Variants in OSBPL1A observed in about 807,000 individuals in gnomAD.
The protein encoded by OSBPL1A is oxysterol-binding protein-related protein 1.
A neutral mutation model predicts 137.1 loss-of-function variants in OSBPL1A; 80 were observed. The ratio of observed to expected loss-of-function variants is 0.58; its 90% CI spans 0.49 to 0.70. OSBPL1A has a LOEUF of 0.70. Among genes scored for constraint, OSBPL1A ranks in the 30% least tolerant of loss-of-function variants. The probability of loss-of-function intolerance (pLI) is 0.00; values close to 1 mark genes in which losing one functional copy is unlikely to be tolerated. For synonymous variants in OSBPL1A, 365 were observed against 389.7 expected (o/e 0.94, Z 0.75); for missense variants, 970 against 1,129.4 (o/e 0.86, Z 2.02).
chr18:24,334,418 A>C, intron 5 of OSBPL1A, 88 bp from the exon 6 acceptor site: 1 of 942,462 alleles, frequency 1.1e-6, no homozygotes. Flanking sequence ...TGATGAGAAA[A>C]ACCAAAATGT....
chr18:24,393,177 T>C (rs1016850200), intron 1 of OSBPL1A, among the ~76,000 whole-genome samples: 2 of 152,260 alleles, frequency 1.3e-5, no homozygotes, highest in African/African-American at 2.4e-5. Flanking sequence ...CCTACATGTA[T>C]GTACATGTGT....
At chr18:24,330,953 C>A (rs1412641853) in intron 7 of OSBPL1A, among the ~76,000 whole-genome samples, 3 of 152,038 alleles carry the variant, frequency 2.0e-5, no homozygotes, top group African/African-American at 7.2e-5. Flanking sequence ...CGCCACCATG[C>A]CTGGCTAATT....
intron 18 of OSBPL1A, among the ~76,000 whole-genome samples, chr18:24,192,149 T>C (rs1412226395): frequency 6.6e-6 from 1 of 152,180 alleles, no homozygotes; most frequent in African/African-American, 2.4e-5. Context: ...GCACATGGCC[T>C]TGAGCTCAAG....
intron 14 of OSBPL1A, among the ~76,000 whole-genome samples, chr18:24,289,674 C>T (rs2090141202): frequency 1.3e-5 from 2 of 152,102 alleles, no homozygotes; most frequent in South Asian, 4.1e-4. Context: ...GCCGCCTCAG[C>T]CTCCCAAAGT....
At chr18:24,206,808 T>C (rs1479488263) in intron 17 of OSBPL1A, among the ~76,000 whole-genome samples, 2 of 152,208 alleles carry the variant, frequency 1.3e-5, no homozygotes, top group African/African-American at 4.8e-5. Context: ...CGTGCTCAGC[T>C]TAAATTTCAC....
intron 15 of OSBPL1A, among the ~76,000 whole-genome samples, chr18:24,268,911 GTCCAAAAGGCAACTCATCTT>G (rs2089648534): frequency 2.0e-5 from 3 of 152,136 alleles, no homozygotes; most frequent in African/African-American, 7.2e-5. Flanking sequence ...ATAATAGCAT[GTCCAAAAGGCAACTCATCTT>G]TCCACATTCC....
chr18:24,185,670 A>G (rs1292313531), intron 18 of OSBPL1A, among the ~76,000 whole-genome samples: 7 of 152,172 alleles, frequency 4.6e-5, no homozygotes, highest in Non-Finnish European at 8.8e-5. Flanking sequence ...TGCTGACAAT[A>G]GGGAGGCTAT....
At chr18:24,337,423 A>ACATAACATAACAT (rs1568036781) in intron 5 of OSBPL1A, among the ~76,000 whole-genome samples, 2 of 151,702 alleles carry the variant, frequency 1.3e-5, no homozygotes, top group South Asian at 2.1e-4. Context: ...ACATAACATA[A>ACATAACATAACAT]AGCCAGGCAT....
At chr18:24,258,801 T>C (rs937514569) in intron 15 of OSBPL1A, among the ~76,000 whole-genome samples, 5 of 152,090 alleles carry the variant, frequency 3.3e-5, no homozygotes, top group African/African-American at 9.7e-5. Context: ...ATATTAAATA[T>C]ATTGCCAATA....
At chr18:24,332,802 T>G in intron 7 of OSBPL1A, 140 bp downstream of exon 7, 1 of 1,001,942 alleles carries the variant, frequency 1.0e-6, no homozygotes, top group Non-Finnish European at 1.5e-6. Flanking sequence ...TTCTTTTGTG[T>G]GAATGCCTTG....
At chr18:24,358,541 G>A in intron 4 of OSBPL1A, 2 of 702,194 alleles carry the variant, frequency 2.8e-6, no homozygotes, top group Middle Eastern at 2.3e-4. Flanking sequence ...TATATTTCAA[G>A]GCAGTCATTC....
chr18:24,351,876 C>A (rs1191110176), intron 4 of OSBPL1A, among the ~76,000 whole-genome samples: 1 of 152,088 alleles, frequency 6.6e-6, no homozygotes, highest in African/African-American at 2.4e-5. Flanking sequence ...AGGCGTTATA[C>A]CAAAACAAAC....
intron 17 of OSBPL1A, among the ~76,000 whole-genome samples, chr18:24,220,591 G>C (rs2087857630): frequency 6.6e-6 from 1 of 152,122 alleles, no homozygotes; most frequent in African/African-American, 2.4e-5. Context: ...ACTGCTCACT[G>C]CTCCTGGGTT....
intron 7 of OSBPL1A, chr18:24,321,748 A>G (rs2090864529): frequency 2.1e-6 from 1 of 484,458 alleles, no homozygotes; most frequent in Non-Finnish European, 4.2e-6. Flanking sequence ...GAAAAGAAAA[A>G]CAAATAAATT....
chr18:24,225,437 A>G (rs575935002), intron 16 of OSBPL1A, among the ~76,000 whole-genome samples: 1 of 152,326 alleles, frequency 6.6e-6, no homozygotes, highest in South Asian at 2.1e-4. Flanking sequence ...CAGATCTCAC[A>G]TAGTAAAAGA....
At chr18:24,303,805 G>A (rs1046428816) in intron 13 of OSBPL1A, 87 bp from the exon 14 acceptor site, 15 of 1,091,662 alleles carry the variant, frequency 1.4e-5, no homozygotes, top group Non-Finnish European at 2.1e-5. Context: ...AAAACTTTCA[G>A]TACATAGATT....
chr18:24,365,025 C>CAAAAAAAAAA (rs56400717), intron 4 of OSBPL1A, among the ~76,000 whole-genome samples: 4 of 89,684 alleles, frequency 4.5e-5, no homozygotes, highest in Admixed American at 1.5e-4. Context: ...AAAACAACAA[C>CAAAAAAAAAA]AAAAAAAAAA....
intron 14 of OSBPL1A, among the ~76,000 whole-genome samples, chr18:24,284,714 A>G (rs2090035934): frequency 6.6e-6 from 1 of 152,206 alleles, no homozygotes; most frequent in South Asian, 2.1e-4. Context: ...GTTCTCCTGG[A>G]AATGTTTGTT....
intron 1 of OSBPL1A, among the ~76,000 whole-genome samples, chr18:24,379,291 G>A (rs192952516): frequency 5.3e-5 from 8 of 152,204 alleles, no homozygotes; most frequent in South Asian, 4.2e-4. Context: ...AGGCCGAGGC[G>A]GGTGGACCAC....
Sources: allele counts gnomAD v4.1 joint callset (sites outside exome capture counted in the v4.1 genomes callset), GRCh38; gene constraint gnomAD v4.1.1; transcripts MANE v1.5; gene names NCBI Gene and HGNC (gene_info 2026-07-23, HGNC 2026-07-21).